The following ALKAL1 variants were observed in gnomAD, a reference collection of about 807,000 sequenced individuals.
The protein encoded by ALKAL1 is AUG-beta.
Under a neutral mutation model 13.5 loss-of-function variants are expected in ALKAL1, and 23 were observed. That is an observed-to-expected ratio of 1.70 (90% CI 1.23 to 2.41). ALKAL1 has a LOEUF of 2.41. Ranked by LOEUF, ALKAL1 falls within the 30% of genes most tolerant of loss-of-function variation. ALKAL1 has a pLI of 0.00. For missense variants in ALKAL1, 181 were observed against 178.4 expected (o/e 1.01, Z -0.08); for synonymous variants, 85 against 77.7 (o/e 1.09, Z -0.49).
chr8:52,565,170 G>C lies in ALKAL1; in HGVS notation c.87C>G (p.Pro29=). The change falls in exon 1 of 5, where the codon CCC becomes CCG. Residue 29 remains proline (P), a synonymous_variant. Coordinates refer to ENST00000358543, the MANE Select transcript of ALKAL1 (RefSeq NM_207413.4). ...TGACGCGCGCTCCCCTGCGCCCCCGGGGCCTCCCGTGGGCTCCGTGCGGGG... is the reference window on the plus strand; with the variant it reads ...TGACGCGCGCTCCCCTGCGCCCCCGCGGCCTCCCGTGGGCTCCGTGCGGGG... The part of the protein sequence containing the change: ...ALSPHGAHGR[P]RGRRGARVTD... 7.2e-7 allele frequency: 1 copy of C among 1,391,246 alleles called. No individual in the cohort carries two copies. Among genetic ancestry groups the C allele is most frequent in the Non-Finnish European group, 9.4e-7 (1 of 1,064,230 alleles). 86.2% of individuals were successfully genotyped at this position (1,391,246 alleles called of 1,614,324 possible).
chr8:52,560,055 T>A (rs1417546600), intron 1 of ALKAL1, among the ~76,000 whole-genome samples: 1 of 152,074 alleles, frequency 6.6e-6, no homozygotes, highest in African/African-American at 2.4e-5. Context: ...TTAAAGAGGC[T>A]CACATTCAAA....
chr8:52,534,735 C>A (rs1238983232), intron 4 of ALKAL1, 135 bp from the exon 5 acceptor site: 2 of 421,430 alleles, frequency 4.7e-6, no homozygotes, highest in East Asian at 7.0e-5. Context: ...CCTGAGAATG[C>A]AGACTAATGT....
At chr8:52,564,217 C>A (rs1847578721) in intron 1 of ALKAL1, among the ~76,000 whole-genome samples, 1 of 152,168 alleles carries the variant, frequency 6.6e-6, no homozygotes, top group African/African-American at 2.4e-5. Context: ...CCCAGCCTCG[C>A]CGGCAGCTTC....
rs145678856 is a variant in ALKAL1, at chr8:52,541,988, A to T, written c.244+404T>A. On this transcript the variant is annotated intron_variant, in intron 2 of 4. Transcript: ENST00000358543. The stretch of plus-strand genomic sequence containing the variant: ...GCCAAATACGTCCCTACCTAAGCCC[A>T]CTCACAGTCTGTGCACACCTGTCCT... 9.2e-5 allele frequency among the ~76,000 whole-genome samples: 14 copies of T among 151,838 alleles called. No individual in the cohort carries two copies. The East Asian group carries it at 2.7e-3, about 29-fold the overall frequency.
At chr8:52,554,091 G>A (rs1370813086) in intron 1 of ALKAL1, among the ~76,000 whole-genome samples, 1 of 152,138 alleles carries the variant, frequency 6.6e-6, no homozygotes, top group Non-Finnish European at 1.5e-5. Flanking sequence ...GGGCATGGTG[G>A]CGCATGCCTG....
At chr8:52,543,243 G>A (rs1309971855) in intron 1 of ALKAL1, among the ~76,000 whole-genome samples, 2 of 152,218 alleles carry the variant, frequency 1.3e-5, no homozygotes, top group Admixed American at 1.3e-4. Flanking sequence ...CTCAAGGTTT[G>A]TTGGTAGGTA....
At chr8:52,535,658 C>G (rs924564993) in intron 4 of ALKAL1, among the ~76,000 whole-genome samples, 1 of 150,524 alleles carries the variant, frequency 6.6e-6, no homozygotes, top group East Asian at 2.0e-4. Flanking sequence ...CTAAAATAAT[C>G]TAGTTTATTT....
At chr8:52,554,338 G>T (rs1847460404) in intron 1 of ALKAL1, among the ~76,000 whole-genome samples, 1 of 152,222 alleles carries the variant, frequency 6.6e-6, no homozygotes, top group Non-Finnish European at 1.5e-5. Flanking sequence ...AATGACAATA[G>T]ATTGGTACTT....
Position 52,539,905 on chromosome 8 carries a change from A to T in ALKAL1, c.251T>A (p.Val84Asp). The part of the protein sequence containing the change: ...DKFIKHFTGP[V>D]TFSPECSKHF... The stretch of plus-strand genomic sequence containing the variant: ...TTTGCTGCATTCTGGTGAAAATGTG[A>T]CCGGCCCTAGAGCACAGGAAAAGAA... The change falls in exon 3 of 5, where the codon GTC becomes GAC. Residue 84 changes from valine (V) to aspartate (D), a missense_variant. Physicochemically the swap from Val to Asp is radical, Grantham distance 152. Transcript: ENST00000358543. 6.2e-7 allele frequency: 1 copy of T among 1,612,520 alleles called. No homozygotes were observed. Among genetic ancestry groups the T allele is most frequent in the Non-Finnish European group, 8.5e-7 (1 of 1,179,562 alleles).
chr8:52,544,591 G>A (rs763751094), intron 1 of ALKAL1, among the ~76,000 whole-genome samples: 1 of 152,156 alleles, frequency 6.6e-6, no homozygotes, highest in Non-Finnish European at 1.5e-5. Flanking sequence ...TCAAAAGACC[G>A]TTGAGGGAGG....
intron 1 of ALKAL1, among the ~76,000 whole-genome samples, chr8:52,558,726 AT>A (rs762259121): frequency 9.9e-5 from 15 of 152,180 alleles, no homozygotes; most frequent in Non-Finnish European, 1.9e-4. Flanking sequence ...TAAATGCCTA[AT>A]TTAAAAAAAA....
intron 1 of ALKAL1, among the ~76,000 whole-genome samples, chr8:52,548,155 C>T (rs1236578795): frequency 3.3e-5 from 5 of 151,910 alleles, no homozygotes; most frequent in Non-Finnish European, 1.5e-5. Context: ...TCAAGACCAG[C>T]CTGGTCAACA....
At chr8:52,538,535 T>C (rs775698873) in intron 3 of ALKAL1, 28 bp from the exon 4 acceptor site, 1 of 1,413,320 alleles carries the variant, frequency 7.1e-7, no homozygotes, top group South Asian at 1.2e-5. Flanking sequence ...AGGTAAATTA[T>C]ATATAGAGTT....
At chr8:52,539,364 A>C (rs1380367936) in intron 3 of ALKAL1, among the ~76,000 whole-genome samples, 1 of 152,224 alleles carries the variant, frequency 6.6e-6, no homozygotes, top group Non-Finnish European at 1.5e-5. Flanking sequence ...AGTATCCAAA[A>C]GAATTCATTA....
At chr8:52,555,750 C>T (rs898673266) in intron 1 of ALKAL1, among the ~76,000 whole-genome samples, 2 of 152,202 alleles carry the variant, frequency 1.3e-5, no homozygotes, top group African/African-American at 2.4e-5. Flanking sequence ...CCTGCCGTGC[C>T]TTGGCTTTCC....
intron 1 of ALKAL1, among the ~76,000 whole-genome samples, chr8:52,563,139 C>T (rs979011787): frequency 5.3e-5 from 8 of 152,190 alleles, no homozygotes; most frequent in Admixed American, 1.3e-4. Flanking sequence ...TAACTATGGC[C>T]GGGCATAGTG....
intron 1 of ALKAL1, among the ~76,000 whole-genome samples, chr8:52,548,863 A>G (rs1847400091): frequency 6.6e-6 from 1 of 152,166 alleles, no homozygotes; most frequent in South Asian, 2.1e-4. Context: ...AATCTTTTAA[A>G]GAAATAGATG....
intron 1 of ALKAL1, among the ~76,000 whole-genome samples, chr8:52,545,588 C>G (rs1454006116): frequency 6.6e-6 from 1 of 151,686 alleles, no homozygotes; most frequent in African/African-American, 2.4e-5. Flanking sequence ...TTACTGAACC[C>G]AACCAATGTA....
intron 1 of ALKAL1, among the ~76,000 whole-genome samples, chr8:52,547,151 T>C (rs1023484531): frequency 2.6e-5 from 4 of 152,204 alleles, no homozygotes; most frequent in African/African-American, 9.7e-5. Context: ...AGTGACTAGA[T>C]GCACGCAGTA....
Sources: allele counts gnomAD v4.1 joint callset (sites outside exome capture counted in the v4.1 genomes callset), GRCh38; gene constraint gnomAD v4.1.1; transcripts MANE v1.5; gene names NCBI Gene and HGNC (gene_info 2026-07-23, HGNC 2026-07-21).